The following TRPV3 variants were observed in gnomAD, a reference collection of about 807,000 sequenced individuals.
The protein encoded by TRPV3 is VRL-3.
In TRPV3, 88 loss-of-function variants were observed where a neutral mutation model predicts 87.1. The ratio of observed to expected loss-of-function variants is 1.01; its 90% CI spans 0.85 to 1.21. The LOEUF is 1.21. Ranked by LOEUF, TRPV3 falls within the 50% of genes most tolerant of loss-of-function variation. The pLI, the probability that TRPV3 is intolerant of heterozygous loss-of-function variation, is 0.00. For synonymous variants in TRPV3, 438 were observed against 423.3 expected (o/e 1.03, Z -0.43); for missense variants, 1,054 against 1,030.1 (o/e 1.02, Z -0.32).
At chr17:3,548,652 G>T (rs1194370947) in intron 2 of TRPV3, among the ~76,000 whole-genome samples, 1 of 152,238 alleles carries the variant, frequency 6.6e-6, no homozygotes, top group Non-Finnish European at 1.5e-5. Context: ...CTGGCTGCCA[G>T]TCTCACCTGC....
intron 11 of TRPV3, 125 bp downstream of exon 11, chr17:3,527,900 G>A (rs2074313897): frequency 1.4e-6 from 1 of 733,958 alleles, no homozygotes; most frequent in Non-Finnish European, 2.4e-6. Flanking sequence ...AACTCAGAAA[G>A]GTAAGGCTTG....
At chr17:3,545,989 CAAA>C (rs376341464) in intron 2 of TRPV3, among the ~76,000 whole-genome samples, 7 of 113,910 alleles carry the variant, frequency 6.1e-5, no homozygotes, top group African/African-American at 1.0e-4. Context: ...GACTCCGTCT[CAAA>C]AAAAAAAAAA....
intron 2 of TRPV3, among the ~76,000 whole-genome samples, chr17:3,550,823 C>T (rs1182587745): frequency 2.7e-5 from 4 of 150,926 alleles, no homozygotes; most frequent in Non-Finnish European, 5.9e-5. Flanking sequence ...CGCACCCGGC[C>T]TCCTGCCTGC....
intron 12 of TRPV3, among the ~76,000 whole-genome samples, chr17:3,525,057 T>C (rs1320382586): frequency 1.3e-5 from 2 of 152,212 alleles, no homozygotes; most frequent in Admixed American, 6.5e-5. Context: ...TCTTGCTCTG[T>C]CACCTAGGCT....
chr17:3,526,482 T>TA (rs112541565), intron 12 of TRPV3, among the ~76,000 whole-genome samples: 136 of 143,732 alleles, frequency 9.5e-4, no homozygotes, highest in East Asian at 3.2e-3. Flanking sequence ...CCACCTCAAC[T>TA]AAAAAAAAAA....
chr17:3,519,904 A>ATG (rs2074229786), intron 14 of TRPV3, among the ~76,000 whole-genome samples: 3 of 113,386 alleles, frequency 2.6e-5, no homozygotes, highest in Non-Finnish European at 5.3e-5. Flanking sequence ...ATGGATGATT[A>ATG]GATGGATGGA....
At chr17:3,515,569 G>A (rs2074173998) in intron 16 of TRPV3, among the ~76,000 whole-genome samples, 1 of 152,170 alleles carries the variant, frequency 6.6e-6, no homozygotes, top group Non-Finnish European at 1.5e-5. Context: ...GCTGAGGCAG[G>A]AGAATCGCTT....
intron 2 of TRPV3, among the ~76,000 whole-genome samples, chr17:3,551,811 C>T (rs1043533034): frequency 1.3e-5 from 2 of 149,186 alleles, no homozygotes; most frequent in Admixed American, 6.8e-5. Flanking sequence ...TTTGATTCCA[C>T]CATTAGGCCT....
At chr17:3,547,036 A>G (rs923693927) in intron 2 of TRPV3, among the ~76,000 whole-genome samples, 1 of 151,444 alleles carries the variant, frequency 6.6e-6, no homozygotes, top group Non-Finnish European at 1.5e-5. Flanking sequence ...CCGGGTCTCT[A>G]CTGCGGGTGG....
chr17:3,516,730 C>T (rs553149524), intron 15 of TRPV3, among the ~76,000 whole-genome samples, 161 bp from the exon 16 acceptor site: 5 of 152,348 alleles, frequency 3.3e-5, no homozygotes, highest in South Asian at 2.1e-4. Context: ...AAAAGCAGGC[C>T]GGGCACGGTG....
chr17:3,516,662 C>A, intron 15 of TRPV3, 93 bp from the exon 16 acceptor site: 1 of 878,106 alleles, frequency 1.1e-6, no homozygotes, highest in Non-Finnish European at 1.9e-6. Context: ...TCCACCCTCA[C>A]CTCATGCTTA....
intron 13 of TRPV3, among the ~76,000 whole-genome samples, chr17:3,523,987 C>G (rs548215927): frequency 6.6e-6 from 1 of 152,254 alleles, no homozygotes; most frequent in African/African-American, 2.4e-5. Flanking sequence ...CCTCCACAAA[C>G]TGTACCCCTC....
Position 3,556,198 on chromosome 17 carries a change from A to AAAT in TRPV3, c.-2-1349_-2-1347dup, listed in dbSNP as rs2074630736. On this transcript the variant is annotated intron_variant, in intron 1 of 17. Transcript: ENST00000576742. The surrounding 1 kb of genome is among the most constrained non-coding windows in gnomAD (Gnocchi z 4.2). The stretch of plus-strand genomic sequence containing the variant: ...TCTCAAAAAAAATGAAAAAAAAAAA[A>AAAT]AATAAAGTTTTTATTAAACATAAAA... 6.8e-6 allele frequency among the ~76,000 whole-genome samples: 1 copy of AAAT among 147,736 alleles called. No homozygotes were observed. Among genetic ancestry groups the AAAT allele is most frequent in the Admixed American group, 6.6e-5 (1 of 15,052 alleles).
intron 6 of TRPV3, among the ~76,000 whole-genome samples, chr17:3,541,788 G>A (rs1251094241): frequency 6.6e-6 from 1 of 152,152 alleles, no homozygotes; most frequent in East Asian, 1.9e-4. Context: ...TTCTCATCAT[G>A]TCGGCCTCAG....
chr17:3,521,297 G>A (rs1016150508), intron 13 of TRPV3, among the ~76,000 whole-genome samples: 2 of 152,168 alleles, frequency 1.3e-5, no homozygotes, highest in Non-Finnish European at 2.9e-5. Context: ...TCACCATAGG[G>A]TCTCACACTG....
rs1428926717 is a variant in TRPV3, at chr17:3,530,998, G to A, written c.1066-795C>T. ...TTGAACCTGGGAGGTGGAGGTTGCC[G>A]TGAGCCATGATTGCGCCACTGCACT... On this transcript the variant is annotated intron_variant, in intron 8 of 17. Coordinates refer to ENST00000576742, the MANE Select transcript of TRPV3 (RefSeq NM_145068.4). This position sits in a 1 kb window ranked among gnomAD's most constrained non-coding sequence, Gnocchi z 4.0. Among the ~76,000 whole-genome samples, 1 of 151,822 alleles carries A rather than the reference G, an allele frequency of 6.6e-6. No individual in the cohort carries two copies. Among genetic ancestry groups the A allele is most frequent in the Non-Finnish European group, 1.5e-5 (1 of 67,980 alleles).
intron 14 of TRPV3, among the ~76,000 whole-genome samples, chr17:3,520,438 T>C (rs997055734): frequency 6.6e-6 from 1 of 152,212 alleles, no homozygotes; most frequent in Non-Finnish European, 1.5e-5. Context: ...TGAGTTTCTG[T>C]GGACTTTAGT....
intron 6 of TRPV3, among the ~76,000 whole-genome samples, chr17:3,539,074 C>G (rs1419470939): frequency 6.6e-6 from 1 of 152,080 alleles, no homozygotes; most frequent in African/African-American, 2.4e-5. Flanking sequence ...GGTGCAGCCG[C>G]AATTGCAGAC....
chr17:3,548,017 C>G (rs775184327), intron 2 of TRPV3, among the ~76,000 whole-genome samples: 9 of 152,170 alleles, frequency 5.9e-5, no homozygotes, highest in Non-Finnish European at 1.3e-4. Flanking sequence ...AGGGTGACCT[C>G]GGTGGCAGCA....
Sources: gnomAD v4.1 joint callset for allele counts (sites outside exome capture counted in the v4.1 genomes callset) on GRCh38, gnomAD v4.1.1 for gene constraint, Gnocchi (gnomAD v3.1) non-coding constraint, MANE v1.5 for transcripts, NCBI Gene and HGNC (gene_info 2026-07-23, HGNC 2026-07-21) for gene names.